OSBPL6: variants seen among roughly 807,000 people sequenced by gnomAD.
OSBPL6 encodes the protein oxysterol-binding protein-related protein 6.
In OSBPL6, 49 loss-of-function variants were observed where a neutral mutation model predicts 125.8. That is an observed-to-expected ratio of 0.39 (90% confidence interval 0.31 to 0.49). OSBPL6 has a LOEUF of 0.49. OSBPL6 is among the 20% of genes least tolerant of loss of function. OSBPL6 has a pLI of 0.88. For missense variants in OSBPL6, 986 were observed against 1,135.4 expected, an observed-to-expected ratio of 0.87 and a Z score of 1.89; for synonymous variants, 394 against 391.8, an observed-to-expected ratio of 1.01 and a Z score of -0.07.
intron 12 of OSBPL6, among the ~76,000 whole-genome samples, chr2:178,360,352 G>A (rs1692232555): frequency 1.3e-5 from 2 of 152,078 alleles, no homozygotes; most frequent in Admixed American, 6.5e-5. Context: ...GTAGATTATA[G>A]CTGTTCTTGC....
At chr2:178,239,592 TTTTATTTA>T (rs80019586) in intron 1 of OSBPL6, among the ~76,000 whole-genome samples, 9,585 of 138,626 alleles carry the variant, frequency 0.069, 838 homozygotes, top group African/African-American at 0.21. Flanking sequence ...ATGAACTTTA[TTTTATTTA>T]TTTATTTATT....
At chr2:178,392,366 C>T (rs1474224239) in intron 22 of OSBPL6, 46 bp from the exon 23 acceptor site, 2 of 1,606,216 alleles carry the variant, frequency 1.2e-6, no homozygotes, top group Non-Finnish European at 8.5e-7. Flanking sequence ...TCTTCCAGTT[C>T]CATAAACCTT....
At position 178,317,450 on chromosome 2, in the gene OSBPL6, A is replaced by G. The variant is rs1368418282; in HGVS notation, c.103-6727A>G. On this transcript the variant is annotated intron_variant, in intron 3 of 24. Coordinates refer to ENST00000190611, the MANE Select transcript of OSBPL6 (RefSeq NM_032523.4). ...AAACTTAGACACCATATATATATAT[A>G]TATATATATATATATATATATATAT... is the stretch of plus-strand genomic sequence containing the variant. 1.2e-3 allele frequency among the ~76,000 whole-genome samples: 24 copies of G among 19,264 alleles called. No homozygotes were observed. In the East Asian group the frequency reaches 0.052, roughly 42 times the overall value. 12.6% of individuals were successfully genotyped at this position (19,264 alleles called of 152,430 possible). A position where few individuals can be genotyped will look rare whatever the true frequency, so the allele number is the denominator to read the frequency against.
chr2:178,328,692 T>C (rs908961047), intron 5 of OSBPL6, among the ~76,000 whole-genome samples: 3 of 152,146 alleles, frequency 2.0e-5, no homozygotes, highest in African/African-American at 7.2e-5. Context: ...TTTGCCCTGT[T>C]AGCCAGGCTG....
rs577660523 is a variant in OSBPL6, at chr2:178,376,861, C to T, written c.1533+2834C>T. Among the ~76,000 whole-genome samples, 4 of 152,246 alleles carry T rather than the reference C, an allele frequency of 2.6e-5. No individual in the cohort carries two copies. In the East Asian group the frequency reaches 7.7e-4, roughly 29 times the overall value. ...ACACTGGAAAGAGCTGAACTGTACC[C>T]CCATTCCTTGTGCCCCATACCTCAC... is the stretch of plus-strand genomic sequence containing the variant. On this transcript the variant is annotated intron_variant, in intron 15 of 24. Coordinates refer to ENST00000190611, the MANE Select transcript of OSBPL6 (RefSeq NM_032523.4).
chr2:178,257,847 G>A (rs1471901605), intron 1 of OSBPL6, among the ~76,000 whole-genome samples: 1 of 150,550 alleles, frequency 6.6e-6, no homozygotes, highest in Non-Finnish European at 1.5e-5. Flanking sequence ...TGAGACCGGA[G>A]TGCAGTGGCA....
intron 3 of OSBPL6, among the ~76,000 whole-genome samples, chr2:178,308,650 A>G (rs1399573561): frequency 2.0e-5 from 3 of 152,288 alleles, no homozygotes; most frequent in African/African-American, 7.2e-5. Flanking sequence ...TTAAATCAAT[A>G]TGTATAAACC....
chr2:178,197,744 T>A (rs1030795037), intron 1 of OSBPL6, among the ~76,000 whole-genome samples: 1 of 151,998 alleles, frequency 6.6e-6, no homozygotes, highest in Non-Finnish European at 1.5e-5. Context: ...TGACCATGGG[T>A]AATTGAAACT....
chr2:178,197,936 C>A (rs2089001017), intron 1 of OSBPL6, among the ~76,000 whole-genome samples: 1 of 151,962 alleles, frequency 6.6e-6, no homozygotes, highest in Admixed American at 6.6e-5. Context: ...CATGAGTTGC[C>A]CAGAGTTCAT....
At chr2:178,317,064 T>C (rs1687797611) in intron 3 of OSBPL6, among the ~76,000 whole-genome samples, 1 of 152,136 alleles carries the variant, frequency 6.6e-6, no homozygotes, top group South Asian at 2.1e-4. Flanking sequence ...TTAATTTCTA[T>C]TTTTCTGTTT....
chr2:178,382,543 A>G (rs1694575333), intron 16 of OSBPL6, 36 bp downstream of exon 16: 2 of 1,613,422 alleles, frequency 1.2e-6, no homozygotes, highest in African/African-American at 1.3e-5. Flanking sequence ...TGTTCTATCT[A>G]CATGCCAAAT....
chr2:178,371,847 C>T (rs1381238988), intron 13 of OSBPL6, among the ~76,000 whole-genome samples: 1 of 152,124 alleles, frequency 6.6e-6, no homozygotes, highest in African/African-American at 2.4e-5. Flanking sequence ...ATGGGACTCA[C>T]TCTAAAGGAA....
intron 12 of OSBPL6, among the ~76,000 whole-genome samples, chr2:178,354,230 A>G (rs1181405916): frequency 6.6e-6 from 1 of 152,246 alleles, no homozygotes; most frequent in Non-Finnish European, 1.5e-5. Flanking sequence ...AAATTCACAC[A>G]TAAGAATATT....
At chr2:178,239,100 T>C (rs1216508430) in intron 1 of OSBPL6, among the ~76,000 whole-genome samples, 2 of 152,200 alleles carry the variant, frequency 1.3e-5, no homozygotes, top group Admixed American at 6.5e-5. Context: ...CCATTAATGG[T>C]ATCACAGTCC....
rs1331760058 is a variant in OSBPL6, at chr2:178,385,530, T to G, written c.2077+9T>G. 1.3e-6 allele frequency: 2 copies of G among 1,577,886 alleles called. No individual in the cohort carries two copies. Among genetic ancestry groups the G allele is most frequent in the Non-Finnish European group, 1.7e-6 (2 of 1,148,060 alleles). ...TTTTGTGTTTTGGCAAGGTTTGTAT[T>G]TCAATTATAATTTAAAATCAAATGT... On this transcript the variant is annotated intron_variant, in intron 19 of 24. Coordinates refer to ENST00000190611, the MANE Select transcript of OSBPL6 (RefSeq NM_032523.4).
chr2:178,301,619 A>G (rs1686293319), intron 2 of OSBPL6, among the ~76,000 whole-genome samples: 1 of 152,212 alleles, frequency 6.6e-6, no homozygotes, highest in African/African-American at 2.4e-5. Flanking sequence ...ATAGTAAATT[A>G]TCATTATACC....
At chr2:178,372,040 A>G in intron 13 of OSBPL6, 86 bp from the exon 14 acceptor site, 1 of 973,916 alleles carries the variant, frequency 1.0e-6, no homozygotes, top group Non-Finnish European at 1.6e-6. Flanking sequence ...CACAGACATT[A>G]TTGTCTAACT....
chr2:178,194,110 C>A (rs1364408434), upstream of OSBPL6, among the ~76,000 whole-genome samples: 2 of 152,216 alleles, frequency 1.3e-5, no homozygotes, highest in Non-Finnish European at 2.9e-5. Flanking sequence ...CCCTCCCGAG[C>A]GCGGCCGGCT....
intron 1 of OSBPL6, among the ~76,000 whole-genome samples, chr2:178,256,632 A>C (rs979128665): frequency 6.6e-6 from 1 of 152,190 alleles, no homozygotes; most frequent in Admixed American, 6.5e-5. Flanking sequence ...AATGAATGGC[A>C]TATGTTCCCG....
Sources: allele counts gnomAD v4.1 joint callset (sites outside exome capture counted in the v4.1 genomes callset), GRCh38; gene constraint gnomAD v4.1.1; transcripts MANE v1.5; gene names NCBI Gene and HGNC (gene_info 2026-07-23, HGNC 2026-07-21).